Variants in COP1 observed in about 807,000 individuals in gnomAD.
COP1 encodes E3 ubiquitin-protein ligase COP1.
COP1 carries 24 observed loss-of-function variants against 101.3 expected under a neutral mutation model. That is an observed-to-expected ratio of 0.24 (90% CI 0.17 to 0.33). COP1 has a LOEUF of 0.33. Ranked by LOEUF, COP1 falls within the 10% of genes least tolerant of loss-of-function variation. COP1 has a pLI of 1.00. For missense variants in COP1, 663 were observed against 906.2 expected (o/e 0.73, Z 3.45); for synonymous variants, 347 against 341.9 (o/e 1.01, Z -0.17).
intron 9 of COP1, among the ~76,000 whole-genome samples, chr1:176,115,618 G>A (rs915731931): frequency 9.9e-5 from 15 of 151,420 alleles, no homozygotes; most frequent in African/African-American, 1.7e-4. Context: ...GCGTGGTGGC[G>A]CGTGCCTGTA....
chr1:175,948,317 T>C (rs1356836591), intron 18 of COP1, among the ~76,000 whole-genome samples: 1 of 152,210 alleles, frequency 6.6e-6, no homozygotes, highest in Non-Finnish European at 1.5e-5. Flanking sequence ...TGGAGTCTTT[T>C]GCTTTCCATG....
In COP1 at chr1:176,196,252, A is replaced by T. The variant is rs891425360; in HGVS notation, c.407+10320T>A. Among the ~76,000 whole-genome samples the T allele has an allele frequency of 3.9e-5, 6 of 152,172 alleles. No individual in the cohort carries two copies. The East Asian group carries it at 9.6e-4, about 24-fold the overall frequency. On this transcript the variant is annotated intron_variant, in intron 1 of 19. Transcript: ENST00000367669. ...TCCAAGTTAGCAGAAGAAATTTATA[A>T]AGTAAACTGAAAATTAGTGGAATAG...
intron 1 of COP1, among the ~76,000 whole-genome samples, chr1:176,200,492 A>C (rs1700155055): frequency 6.6e-6 from 1 of 152,200 alleles, no homozygotes; most frequent in Non-Finnish European, 1.5e-5. Flanking sequence ...TCCAATTCTG[A>C]ATTTGGGGAA....
At chr1:176,156,419 G>GT (rs1693458094) in intron 5 of COP1, among the ~76,000 whole-genome samples, 1 of 151,978 alleles carries the variant, frequency 6.6e-6, no homozygotes, top group South Asian at 2.1e-4. Flanking sequence ...CAAATACCAT[G>GT]GTGTAGACTC....
chr1:176,204,871 T>C (rs1001581641), intron 1 of COP1, among the ~76,000 whole-genome samples: 1 of 152,160 alleles, frequency 6.6e-6, no homozygotes, highest in African/African-American at 2.4e-5. Flanking sequence ...GGGGTGGCAG[T>C]GAGCCAAGAC....
In COP1 at chr1:176,043,259, C is replaced by T. The variant is rs1268742286; in HGVS notation, c.1539G>A (p.Glu513=). The change falls in exon 14 of 20, where the codon GAG becomes GAA. Residue 513 remains glutamate, a synonymous_variant. Coordinates refer to ENST00000367669, the MANE Select transcript of COP1 (RefSeq NM_022457.7). ...TAAAGTCAACACTCCAACACCTCTT[C>T]TCATGCTCCTGGAAGCAGAAAGAAG... is the stretch of plus-strand genomic sequence containing the variant. ...GQRSKVYQEH[E]KRCWSVDFNL... The T allele has an allele frequency of 6.2e-7, 1 of 1,608,458 alleles. No homozygotes were observed. The highest frequency in any genetic ancestry group is 1.3e-5 in the African/African-American group (1 of 74,708).
At chr1:176,155,246 G>T (rs946317574) in intron 5 of COP1, among the ~76,000 whole-genome samples, 1 of 152,030 alleles carries the variant, frequency 6.6e-6, no homozygotes, top group Non-Finnish European at 1.5e-5. Flanking sequence ...CTCAAGCAGC[G>T]ATGAAGCCCC....
chr1:176,147,772 G>A (rs539306714), intron 6 of COP1, among the ~76,000 whole-genome samples: 18 of 152,246 alleles, frequency 1.2e-4, no homozygotes, highest in African/African-American at 4.1e-4. Context: ...CCACATCAAA[G>A]GCCAAATGAA....
chr1:176,079,711 A>C (rs971835967), intron 11 of COP1, among the ~76,000 whole-genome samples: 3 of 152,182 alleles, frequency 2.0e-5, no homozygotes, highest in African/African-American at 7.2e-5. Flanking sequence ...AAAAGTAATA[A>C]AATACTTAAG....
At chr1:175,994,256 G>A (rs1000540800) in intron 15 of COP1, among the ~76,000 whole-genome samples, 17 of 152,234 alleles carry the variant, frequency 1.1e-4, no homozygotes, top group South Asian at 2.1e-4. Flanking sequence ...ACTAAACATG[G>A]AAAGGAACAA....
chr1:176,179,727 C>T (rs1697479873), intron 2 of COP1, among the ~76,000 whole-genome samples: 1 of 152,012 alleles, frequency 6.6e-6, no homozygotes. Context: ...GAGAGTGACA[C>T]CCAGTCTCAA....
chr1:176,084,124 T>C (rs1468687647), intron 10 of COP1, among the ~76,000 whole-genome samples: 1 of 152,290 alleles, frequency 6.6e-6, no homozygotes, highest in South Asian at 2.1e-4. Context: ...CACTTGCCTA[T>C]AGTTGTACTT....
intron 9 of COP1, chr1:176,100,179 CA>C (rs1683143934): frequency 5.9e-6 from 1 of 170,514 alleles, no homozygotes; most frequent in Admixed American, 6.2e-5. Context: ...CACCTGAGGT[CA>C]GGAGTTCGAG....
chr1:176,088,236 T>C (rs1357205480), intron 9 of COP1, among the ~76,000 whole-genome samples: 1 of 117,240 alleles, frequency 8.5e-6, no homozygotes, highest in Non-Finnish European at 1.9e-5. Flanking sequence ...ACATGTACCC[T>C]AGAACTTAAA....
chr1:176,105,435 C>T (rs987208425), intron 9 of COP1, among the ~76,000 whole-genome samples: 7 of 152,022 alleles, frequency 4.6e-5, no homozygotes, highest in East Asian at 3.8e-4. Context: ...TAAAGACAAA[C>T]GGAATTTCAA....
chr1:176,048,621 A>G (rs1056590422), intron 11 of COP1, among the ~76,000 whole-genome samples: 1 of 152,194 alleles, frequency 6.6e-6, no homozygotes, highest in Non-Finnish European at 1.5e-5. Flanking sequence ...AGTTATTATC[A>G]GAACTGAAAT....
chr1:176,039,710 T>C lies in COP1; in HGVS notation c.1612+3476A>G, dbSNP rs181552096. ...TTCAAAACAGCCTTACAGTGTGGTA[T>C]TGACATATAAACCAACAGAAGAGCA... On this transcript the variant is annotated intron_variant, in intron 14 of 19. Transcript: ENST00000367669. 2.2e-3 allele frequency among the ~76,000 whole-genome samples: 337 copies of C among 152,322 alleles called. 1 individual carries two copies. The highest frequency in any genetic ancestry group is 7.6e-3 in the African/African-American group (317 of 41,572).
chr1:176,194,475 G>A (rs1471448540), intron 1 of COP1, among the ~76,000 whole-genome samples: 1 of 151,594 alleles, frequency 6.6e-6, no homozygotes, highest in Non-Finnish European at 1.5e-5. Flanking sequence ...CCATCTCTAC[G>A]AAAAATACAA....
In COP1 at chr1:176,054,247, G is replaced by A. The variant is rs370008046; in HGVS notation, c.1278-7923C>T. 8.1e-5 allele frequency among the ~76,000 whole-genome samples: 12 copies of A among 148,338 alleles called. 1 individual carries two copies. In the East Asian group the frequency reaches 1.0e-3, roughly 12 times the overall value. On this transcript the variant is annotated intron_variant, in intron 11 of 19. Coordinates refer to ENST00000367669, the MANE Select transcript of COP1 (RefSeq NM_022457.7). ...ATGATCTCGGCTCACTGCAACCTCCGCCTCCCAGGTTCAAACTGATTCTCC... is the reference window on the plus strand; with the variant it reads ...ATGATCTCGGCTCACTGCAACCTCCACCTCCCAGGTTCAAACTGATTCTCC...
Sources: gnomAD v4.1 joint callset for allele counts (sites outside exome capture counted in the v4.1 genomes callset) on GRCh38, gnomAD v4.1.1 for gene constraint, MANE v1.5 for transcripts, NCBI Gene and HGNC (gene_info 2026-07-23, HGNC 2026-07-21) for gene names.